ZNF423: variants seen among roughly 807,000 people sequenced by gnomAD.
ZNF423 encodes the protein Ebf-associated zinc finger protein.
A neutral mutation model predicts 95.8 loss-of-function variants in ZNF423; 12 were observed. The ratio of observed to expected loss-of-function variants is 0.13; its 90% CI spans 0.08 to 0.20. ZNF423 has a LOEUF of 0.20. ZNF423 is among the 10% of genes least tolerant of loss of function. The probability of loss-of-function intolerance (pLI) is 1.00; values close to 1 mark genes in which losing one functional copy is unlikely to be tolerated. For missense variants in ZNF423, 1,316 were observed against 1,737.1 expected (o/e 0.76, Z 4.31); for synonymous variants, 749 against 711.9 (o/e 1.05, Z -0.83).
intron 1 of ZNF423, among the ~76,000 whole-genome samples, chr16:49,792,312 T>C (rs575636308): frequency 1.9e-4 from 29 of 152,286 alleles, no homozygotes; most frequent in African/African-American, 7.0e-4. Flanking sequence ...CAAGTCATCC[T>C]CTTAGGAAGA....
intron 1 of ZNF423, among the ~76,000 whole-genome samples, chr16:49,823,834 C>T (rs571662684): frequency 1.1e-4 from 17 of 152,282 alleles, no homozygotes; most frequent in African/African-American, 3.9e-4. Flanking sequence ...GGCACAGTGA[C>T]TGACACCTGT....
chr16:49,519,330 ATG>A (rs1968287794), intron 7 of ZNF423, among the ~76,000 whole-genome samples: 2 of 152,188 alleles, frequency 1.3e-5, no homozygotes, highest in African/African-American at 4.8e-5. Context: ...CTAACGGTAA[ATG>A]AACGTTTAAC....
At chr16:49,719,276 G>A (rs1289697515) in intron 3 of ZNF423, among the ~76,000 whole-genome samples, 2 of 152,190 alleles carry the variant, frequency 1.3e-5, no homozygotes, top group African/African-American at 2.4e-5. Context: ...AGGAAGAGCA[G>A]CTCCACGTGA....
intron 5 of ZNF423, among the ~76,000 whole-genome samples, chr16:49,589,614 G>A (rs1970944233): frequency 6.6e-6 from 1 of 152,126 alleles, no homozygotes; most frequent in African/African-American, 2.4e-5. Flanking sequence ...GAGAAGGGGA[G>A]GGGAATTCAC....
In ZNF423 at chr16:49,492,680, G is replaced by A. The variant is rs1967019532; in HGVS notation, c.3850-1376C>T. 6.6e-6 allele frequency among the ~76,000 whole-genome samples: 1 copy of A among 152,212 alleles called. No individual in the cohort carries two copies. Among genetic ancestry groups the A allele is most frequent in the African/African-American group, 2.4e-5 (1 of 41,458 alleles). ...GCCCACAGCGCCAAGCGACAGCCTC[G>A]TGCTCATGCGGGCGGAGCAGGCGCA... is the stretch of plus-strand genomic sequence containing the variant. On this transcript the variant is annotated intron_variant, in intron 7 of 7. Transcript: ENST00000563137. This position sits in a 1 kb window ranked among gnomAD's most constrained non-coding sequence, Gnocchi z 4.2.
chr16:49,585,101 C>A (rs370412474), intron 5 of ZNF423, among the ~76,000 whole-genome samples: 1 of 152,192 alleles, frequency 6.6e-6, no homozygotes, highest in South Asian at 2.1e-4. Context: ...TCCCCAGCCA[C>A]CCTCTTTCTA....
intron 5 of ZNF423, among the ~76,000 whole-genome samples, chr16:49,618,373 G>A (rs771143028): frequency 3.5e-4 from 54 of 152,302 alleles, no homozygotes; most frequent in Non-Finnish European, 6.8e-4. Context: ...ATTTCATCTC[G>A]AATTGTAATC....
chr16:49,794,028 T>C (rs1301093297), intron 1 of ZNF423, among the ~76,000 whole-genome samples: 2 of 145,152 alleles, frequency 1.4e-5, no homozygotes, highest in East Asian at 3.9e-4. Context: ...TCTGTCTCTC[T>C]CTCTCTCTCT....
chr16:49,531,564 C>T (rs1365868148), intron 5 of ZNF423, among the ~76,000 whole-genome samples: 1 of 151,996 alleles, frequency 6.6e-6, no homozygotes, highest in Non-Finnish European at 1.5e-5. Flanking sequence ...ACAAAGACCC[C>T]CAGGCAGAAA....
At chr16:49,755,295 C>G (rs185621624) in intron 2 of ZNF423, among the ~76,000 whole-genome samples, 253 of 152,302 alleles carry the variant, frequency 1.7e-3, no homozygotes, top group Middle Eastern at 0.01. Context: ...GGTCATTAAC[C>G]GAGCCCACCA....
chr16:49,645,949 C>T (rs150620455), intron 3 of ZNF423, among the ~76,000 whole-genome samples: 15 of 152,216 alleles, frequency 9.9e-5, no homozygotes, highest in African/African-American at 3.4e-4. Flanking sequence ...GCCTTCCCAG[C>T]CATGCACAAC....
At chr16:49,699,279 C>G (rs2032089232) in intron 3 of ZNF423, among the ~76,000 whole-genome samples, 1 of 152,174 alleles carries the variant, frequency 6.6e-6, no homozygotes, top group Non-Finnish European at 1.5e-5. Context: ...TGAGCTGTAA[C>G]TCTAATAAAG....
intron 5 of ZNF423, among the ~76,000 whole-genome samples, chr16:49,565,364 A>C (rs1366153270): frequency 6.6e-6 from 1 of 152,164 alleles, no homozygotes; most frequent in African/African-American, 2.4e-5. Flanking sequence ...TTGGCTTGGA[A>C]ATTTCACTCT....
chr16:49,683,815 C>A (rs116940981), intron 3 of ZNF423, among the ~76,000 whole-genome samples: 1 of 152,182 alleles, frequency 6.6e-6, no homozygotes, highest in Non-Finnish European at 1.5e-5. Flanking sequence ...TGATGGTGTG[C>A]GCCTGTAATC....
intron 3 of ZNF423, among the ~76,000 whole-genome samples, chr16:49,692,956 T>C (rs536163331): frequency 9.2e-5 from 14 of 152,376 alleles, no homozygotes; most frequent in African/African-American, 3.4e-4. Context: ...TAAATGTTTC[T>C]TGAATGAACG....
At chr16:49,527,533 G>T (rs1204005417) in intron 5 of ZNF423, among the ~76,000 whole-genome samples, 1 of 152,104 alleles carries the variant, frequency 6.6e-6, no homozygotes, top group African/African-American at 2.4e-5. Context: ...GTAGGATCAA[G>T]GAAAGAAAGA....
chr16:49,525,637 A>G, intron 5 of ZNF423, 143 bp from the exon 6 acceptor site: 1 of 1,204,546 alleles, frequency 8.3e-7, no homozygotes, highest in Non-Finnish European at 1.2e-6. Context: ...AGACACCAAG[A>G]CTCATCCTGG....
chr16:49,614,960 A>T (rs1971827631), intron 5 of ZNF423, among the ~76,000 whole-genome samples: 2 of 152,244 alleles, frequency 1.3e-5, no homozygotes, highest in African/African-American at 4.8e-5. Flanking sequence ...GTGAAACCCC[A>T]TCTCTACTAA....
chr16:49,672,133 T>A (rs2030841657), intron 3 of ZNF423, among the ~76,000 whole-genome samples: 1 of 152,194 alleles, frequency 6.6e-6, no homozygotes, highest in African/African-American at 2.4e-5. Context: ...TCAGGCACAC[T>A]GATACTTCTG....
Sources: allele counts gnomAD v4.1 joint callset (sites outside exome capture counted in the v4.1 genomes callset), GRCh38; gene constraint gnomAD v4.1.1; non-coding constraint Gnocchi (gnomAD v3.1); transcripts MANE v1.5; gene names NCBI Gene and HGNC (gene_info 2026-07-23, HGNC 2026-07-21).